DOK5: variants seen among roughly 807,000 people sequenced by gnomAD.
The protein encoded by DOK5 is docking protein 5.
In DOK5, 27 loss-of-function variants were observed where a neutral mutation model predicts 43.3. The observed-to-expected ratio is 0.62, with a 90% CI of 0.46 to 0.86. The LOEUF (loss-of-function observed/expected upper bound fraction) is 0.86. Ranked by LOEUF, DOK5 falls within the 40% of genes least tolerant of loss-of-function variation. The probability of loss-of-function intolerance (pLI) is 0.00; values close to 1 mark genes in which losing one functional copy is unlikely to be tolerated. For missense variants in DOK5, 373 were observed against 392.9 expected, an observed-to-expected ratio of 0.95 and a Z score of 0.43; for synonymous variants, 146 against 140.1, an observed-to-expected ratio of 1.04 and a Z score of -0.30.
chr20:54,582,477 T>G (rs1352165204), intron 2 of DOK5, among the ~76,000 whole-genome samples: 1 of 151,450 alleles, frequency 6.6e-6, no homozygotes, highest in Non-Finnish European at 1.5e-5. Context: ...CCAACATTTC[T>G]TCCAACAAAG....
chr20:54,553,532 A>T (rs1480016306), intron 1 of DOK5, among the ~76,000 whole-genome samples: 1 of 151,214 alleles, frequency 6.6e-6, no homozygotes, highest in African/African-American at 2.4e-5. Flanking sequence ...TTGTCAAGCG[A>T]CCTTTAAAGA....
At chr20:54,590,844 C>T (rs189416501) in intron 4 of DOK5, among the ~76,000 whole-genome samples, 6 of 152,138 alleles carry the variant, frequency 3.9e-5, no homozygotes, top group Non-Finnish European at 5.9e-5. Flanking sequence ...TCATTTTTCA[C>T]TGAAAGACTT....
intron 7 of DOK5, among the ~76,000 whole-genome samples, chr20:54,646,570 G>A (rs2146835301): frequency 6.6e-6 from 1 of 152,068 alleles, no homozygotes; most frequent in East Asian, 1.9e-4. Flanking sequence ...CTTTTTAATA[G>A]ACAATAAAAT....
At chr20:54,522,703 C>T (rs148499370) in intron 1 of DOK5, among the ~76,000 whole-genome samples, 2,430 of 151,728 alleles carry the variant, frequency 0.016, 69 homozygotes, top group African/African-American at 0.056. Flanking sequence ...TTAGTAGAGA[C>T]AGGGTTTCAC....
At chr20:54,613,576 T>C (rs1986719159) in intron 6 of DOK5, among the ~76,000 whole-genome samples, 1 of 151,234 alleles carries the variant, frequency 6.6e-6, no homozygotes, top group Admixed American at 6.6e-5. Context: ...AGAATTATAT[T>C]GAATACATTG....
In DOK5 at chr20:54,556,274, C is replaced by T. The variant is rs545882376; in HGVS notation, c.174+1234C>T. Among the ~76,000 whole-genome samples the T allele has an allele frequency of 3.3e-5, 5 of 152,294 alleles. No homozygotes were observed. The South Asian group carries it at 6.2e-4, about 19-fold the overall frequency. ...TTTCTTCTCTCCAATGGAGAACCCACTTATACCTTTTTGAGTCCAGATTTC... is the reference window on the plus strand; with the variant it reads ...TTTCTTCTCTCCAATGGAGAACCCATTTATACCTTTTTGAGTCCAGATTTC... On this transcript the variant is annotated intron_variant, in intron 2 of 7. Coordinates refer to ENST00000262593, the MANE Select transcript of DOK5 (RefSeq NM_018431.5).
chr20:54,546,554 T>G (rs1200612305), intron 1 of DOK5, among the ~76,000 whole-genome samples: 1 of 131,794 alleles, frequency 7.6e-6, no homozygotes, highest in Non-Finnish European at 1.6e-5. Context: ...CCCCCTCCCC[T>G]GACCCCACAG....
chr20:54,641,495 A>T (rs916743989), intron 6 of DOK5, among the ~76,000 whole-genome samples: 14 of 147,264 alleles, frequency 9.5e-5, no homozygotes, highest in East Asian at 4.1e-4. Context: ...GAGATTGGAA[A>T]TTTTTAAAAA....
intron 5 of DOK5, among the ~76,000 whole-genome samples, chr20:54,603,475 G>A (rs575454687): frequency 3.3e-5 from 5 of 152,176 alleles, no homozygotes; most frequent in African/African-American, 4.8e-5. Context: ...CCCTAAACTC[G>A]GACACTGCCT....
chr20:54,582,143 C>T (rs1985665540), intron 2 of DOK5, among the ~76,000 whole-genome samples: 1 of 151,566 alleles, frequency 6.6e-6, no homozygotes, highest in Non-Finnish European at 1.5e-5. Flanking sequence ...ACTTTTCATC[C>T]TTTCTTCTGT....
intron 1 of DOK5, among the ~76,000 whole-genome samples, chr20:54,553,561 A>C (rs6091919): frequency 0.02 from 3,054 of 151,356 alleles, 99 homozygotes; most frequent in African/African-American, 0.07. Flanking sequence ...CGAGTATAAT[A>C]GTGCCACTCA....
chr20:54,566,438 C>G (rs1568786972), intron 2 of DOK5, among the ~76,000 whole-genome samples: 1 of 151,704 alleles, frequency 6.6e-6, no homozygotes, highest in African/African-American at 2.4e-5. Flanking sequence ...GGGATAAATT[C>G]TGAAGAAAGT....
At chr20:54,572,322 G>C (rs536071684) in intron 2 of DOK5, among the ~76,000 whole-genome samples, 1 of 151,908 alleles carries the variant, frequency 6.6e-6, no homozygotes, top group Non-Finnish European at 1.5e-5. Context: ...CACCACGCCC[G>C]GCTAATTTTT....
intron 5 of DOK5, among the ~76,000 whole-genome samples, chr20:54,602,377 A>G (rs1986323538): frequency 6.6e-6 from 1 of 152,172 alleles, no homozygotes; most frequent in African/African-American, 2.4e-5. Flanking sequence ...TTCCAGACAT[A>G]GCTCCACATC....
At chr20:54,526,736 T>G (rs1163950518) in intron 1 of DOK5, among the ~76,000 whole-genome samples, 1 of 152,220 alleles carries the variant, frequency 6.6e-6, no homozygotes, top group Non-Finnish European at 1.5e-5. Context: ...TATCTCTTTA[T>G]ATACATGGCT....
At chr20:54,639,349 A>G (rs148459124) in intron 6 of DOK5, among the ~76,000 whole-genome samples, 163 of 152,324 alleles carry the variant, frequency 1.1e-3, no homozygotes, top group African/African-American at 3.8e-3. Context: ...GGCACTTCCA[A>G]TCAAGTGTTT....
At chr20:54,495,739 G>A (rs556750609) in intron 1 of DOK5, among the ~76,000 whole-genome samples, 14 of 152,212 alleles carry the variant, frequency 9.2e-5, no homozygotes, top group East Asian at 3.9e-4. Flanking sequence ...ATAATTAGCC[G>A]GGTATGATGG....
chr20:54,569,726 G>A (rs2146746191), intron 2 of DOK5, among the ~76,000 whole-genome samples: 2 of 152,260 alleles, frequency 1.3e-5, no homozygotes, highest in South Asian at 4.1e-4. Flanking sequence ...CTCAACTTAA[G>A]CATTTTTAAA....
At chr20:54,612,199 ACAGT>A (rs1986672159) in intron 6 of DOK5, among the ~76,000 whole-genome samples, 1 of 152,218 alleles carries the variant, frequency 6.6e-6, no homozygotes, top group Admixed American at 6.5e-5. Context: ...TCATTCAGAA[ACAGT>A]CAGCAGGCTG....
Sources: allele counts gnomAD v4.1 joint callset (sites outside exome capture counted in the v4.1 genomes callset), GRCh38; gene constraint gnomAD v4.1.1; transcripts MANE v1.5; gene names NCBI Gene and HGNC (gene_info 2026-07-23, HGNC 2026-07-21).